RNGTT: variants seen among roughly 807,000 people sequenced by gnomAD.
The protein encoded by RNGTT is mRNA-capping enzyme.
In RNGTT, 33 loss-of-function variants were observed where a neutral mutation model predicts 79.3. That is an observed-to-expected ratio of 0.42 (90% confidence interval 0.32 to 0.56). RNGTT has a LOEUF of 0.56. Among genes scored for constraint, RNGTT ranks in the 20% least tolerant of loss-of-function variants. The pLI is 0.17. For synonymous variants in RNGTT, 222 were observed against 235.9 expected (o/e 0.94, Z 0.54); for missense variants, 497 against 739.1 (o/e 0.67, Z 3.80).
chr6:88,657,963 T>C (rs965887213), intron 14 of RNGTT, among the ~76,000 whole-genome samples: 1 of 152,150 alleles, frequency 6.6e-6, no homozygotes, highest in African/African-American at 2.4e-5. Flanking sequence ...TGATGGTTTT[T>C]CTCTACCCGC....
At chr6:88,930,031 CAT>C (rs1316962954) in intron 2 of RNGTT, among the ~76,000 whole-genome samples, 1 of 143,288 alleles carries the variant, frequency 7.0e-6, no homozygotes, top group African/African-American at 2.6e-5. Context: ...CACATATATG[CAT>C]ATATATGCAT....
intron 13 of RNGTT, among the ~76,000 whole-genome samples, chr6:88,762,531 CT>C (rs1297476994): frequency 5.3e-5 from 8 of 152,136 alleles, no homozygotes; most frequent in Admixed American, 1.3e-4. Flanking sequence ...TTGGCAAATA[CT>C]TTTTTCTCTG....
intron 9 of RNGTT, among the ~76,000 whole-genome samples, chr6:88,852,843 A>G (rs978076249): frequency 1.3e-5 from 2 of 152,176 alleles, no homozygotes. Context: ...TTAACCCTAC[A>G]ATTTTCACAG....
chr6:88,856,425 C>CACACACA (rs1781846846), intron 8 of RNGTT, among the ~76,000 whole-genome samples: 2 of 151,988 alleles, frequency 1.3e-5, no homozygotes, highest in African/African-American at 2.4e-5. Flanking sequence ...TTTACACACA[C>CACACACA]ACACACACAC....
intron 4 of RNGTT, among the ~76,000 whole-genome samples, chr6:88,915,490 A>C (rs1783970934): frequency 6.6e-6 from 1 of 152,260 alleles, no homozygotes; most frequent in Non-Finnish European, 1.5e-5. Flanking sequence ...GCTGGAGGCC[A>C]TTATCCCAAG....
intron 14 of RNGTT, among the ~76,000 whole-genome samples, chr6:88,662,270 T>C (rs1774215182): frequency 6.6e-6 from 1 of 152,176 alleles, no homozygotes; most frequent in African/African-American, 2.4e-5. Context: ...CCGTGCCTGG[T>C]AGTTAAACAT....
rs562438117 is a variant in RNGTT at position 88,877,239 on chromosome 6, C to CT, written c.896+13255dup. 1.4e-4 allele frequency among the ~76,000 whole-genome samples: 22 copies of CT among 152,308 alleles called. No homozygotes were observed. The South Asian group carries it at 3.1e-3, about 22-fold the overall frequency. On this transcript the variant is annotated intron_variant, in intron 8 of 15. Coordinates refer to ENST00000369485, the MANE Select transcript of RNGTT (RefSeq NM_003800.5). ...CAGTCTTCAGTTATAACAACAATAA[C>CT]TAATATGCATTGAGTGCTGTATAAT...
intron 2 of RNGTT, among the ~76,000 whole-genome samples, chr6:88,934,372 C>A (rs1052284017): frequency 1.3e-5 from 2 of 152,128 alleles, no homozygotes; most frequent in African/African-American, 4.8e-5. Flanking sequence ...GATGATATTT[C>A]ATTGTGGTTT....
intron 14 of RNGTT, among the ~76,000 whole-genome samples, chr6:88,677,766 C>T (rs573852880): frequency 6.2e-4 from 94 of 152,134 alleles, no homozygotes; most frequent in South Asian, 1.7e-3. Flanking sequence ...CATGAGCCAC[C>T]GTACCCGACT....
At chr6:88,935,700 G>A (rs1343231438) in intron 2 of RNGTT, among the ~76,000 whole-genome samples, 1 of 152,028 alleles carries the variant, frequency 6.6e-6, no homozygotes, top group Non-Finnish European at 1.5e-5. Flanking sequence ...CCAATCCATG[G>A]GCATGGAGGT....
At chr6:88,828,857 T>C (rs1442831930) in intron 11 of RNGTT, among the ~76,000 whole-genome samples, 1 of 151,840 alleles carries the variant, frequency 6.6e-6, no homozygotes. Flanking sequence ...GAAAAGGAAC[T>C]AATGAAGCCT....
intron 10 of RNGTT, among the ~76,000 whole-genome samples, chr6:88,846,000 TA>T (rs202222998): frequency 0.073 from 10,363 of 142,502 alleles, 542 homozygotes; most frequent in African/African-American, 0.16. Context: ...TTTTATGTTC[TA>T]AAAAAAAAAA....
intron 4 of RNGTT, among the ~76,000 whole-genome samples, chr6:88,913,008 A>G (rs1458976696): frequency 6.6e-6 from 1 of 152,046 alleles, no homozygotes; most frequent in Non-Finnish European, 1.5e-5. Flanking sequence ...ATTCAAGACC[A>G]GACAGGCCAA....
At chr6:88,913,836 T>C (rs1334161302) in intron 4 of RNGTT, among the ~76,000 whole-genome samples, 2 of 152,142 alleles carry the variant, frequency 1.3e-5, no homozygotes, top group African/African-American at 4.8e-5. Context: ...CTATCCAGCA[T>C]AGTACTAGAA....
At chr6:88,651,740 C>T (rs2127778054) in intron 14 of RNGTT, among the ~76,000 whole-genome samples, 1 of 133,572 alleles carries the variant, frequency 7.5e-6, no homozygotes, top group Admixed American at 6.8e-5. Context: ...TATGTTTCAG[C>T]CTTCTTGCCC....
chr6:88,689,302 T>A (rs1017106732), intron 13 of RNGTT, among the ~76,000 whole-genome samples: 5 of 152,048 alleles, frequency 3.3e-5, no homozygotes, highest in African/African-American at 4.8e-5. Context: ...GTACATTTTT[T>A]AAAAAGTCTA....
intron 14 of RNGTT, among the ~76,000 whole-genome samples, chr6:88,638,785 T>C (rs1187553246): frequency 1.3e-5 from 2 of 152,158 alleles, no homozygotes; most frequent in Non-Finnish European, 1.5e-5. Context: ...TACTTTACTA[T>C]CTTTACAGAT....
rs1036269324 is a variant in RNGTT, at chr6:88,934,361, AGAT to A, written c.175-5097_175-5095del. Among the ~76,000 whole-genome samples, 172 of 152,274 alleles carry A rather than the reference AGAT, an allele frequency of 1.1e-3. 2 individuals carry two copies. The highest frequency in any genetic ancestry group is 4.0e-3 in the African/African-American group (166 of 41,566). On this transcript the variant is annotated intron_variant, in intron 2 of 15. Transcript: ENST00000369485. ...ATAAATAGCCATTCTAACTGGTGCA[AGAT>A]GATATTTCATTGTGGTTTGGATTTG...
chr6:88,838,500 A>C (rs1781157111), intron 11 of RNGTT, among the ~76,000 whole-genome samples: 2 of 152,168 alleles, frequency 1.3e-5, no homozygotes. Context: ...CAGAAACGGA[A>C]ATTTTACAAA....
Sources: gnomAD v4.1 joint callset for allele counts (sites outside exome capture counted in the v4.1 genomes callset) on GRCh38, gnomAD v4.1.1 for gene constraint, MANE v1.5 for transcripts, NCBI Gene and HGNC (gene_info 2026-07-23, HGNC 2026-07-21) for gene names.